SYN2: variants seen among roughly 807,000 people sequenced by gnomAD.
The protein encoded by SYN2 is synapsin II.
In SYN2, 19 loss-of-function variants were observed where a neutral mutation model predicts 50.9. The ratio of observed to expected loss-of-function variants is 0.37; its 90% CI spans 0.26 to 0.55. The LOEUF (loss-of-function observed/expected upper bound fraction) is 0.55, where lower values mean the gene tolerates loss of function less well. Among genes scored for constraint, SYN2 ranks in the 20% least tolerant of loss-of-function variants. The pLI, the probability that SYN2 is intolerant of heterozygous loss-of-function variation, is 0.81. For missense variants in SYN2, 587 were observed against 576.4 expected (o/e 1.02, Z -0.19); for synonymous variants, 255 against 224.9 (o/e 1.13, Z -1.20).
In SYN2 at chr3:12,029,276, G is replaced by A. The variant is rs1186562156; in HGVS notation, c.377+24348G>A. Reference sequence around the variant, plus strand: ...CCAGTACCATGCTGTTTTGGTTACTGTAGCCTTGTAGTATAGTTTGAAGTC... The same window carrying A: ...CCAGTACCATGCTGTTTTGGTTACTATAGCCTTGTAGTATAGTTTGAAGTC... On this transcript the variant is annotated intron_variant, in intron 1 of 12. Coordinates refer to ENST00000621198, the MANE Select transcript of SYN2 (RefSeq NM_133625.6). Among the ~76,000 whole-genome samples the A allele has an allele frequency of 3.8e-5, 5 of 130,958 alleles. 1 individual carries two copies. The highest frequency in any genetic ancestry group is 1.1e-4 in the African/African-American group (3 of 26,896). The allele number at this position is 130,958 out of a possible 152,430, so 85.9% of individuals were successfully genotyped here.
At chr3:12,010,075 A>C (rs1258800363) in intron 1 of SYN2, among the ~76,000 whole-genome samples, 1 of 152,196 alleles carries the variant, frequency 6.6e-6, no homozygotes, top group African/African-American at 2.4e-5. Flanking sequence ...AGCCTGGGCG[A>C]CAGAGCAAGA....
intron 1 of SYN2, chr3:12,070,382 A>G (rs559554756): frequency 2.5e-5 from 13 of 526,112 alleles, no homozygotes; most frequent in Middle Eastern, 3.3e-4. Context: ...AAGGACTCCT[A>G]CGTGGGTGAT....
At chr3:12,156,700 G>T in intron 5 of SYN2, 1 of 704,746 alleles carries the variant, frequency 1.4e-6, no homozygotes. Context: ...TCTGTTTTAT[G>T]CCCAAGAAAA....
At chr3:12,095,618 A>G (rs1331891698) in intron 1 of SYN2, among the ~76,000 whole-genome samples, 3 of 135,776 alleles carry the variant, frequency 2.2e-5, no homozygotes, top group Non-Finnish European at 4.6e-5. Flanking sequence ...GTATTTCTCT[A>G]TCTTCATTGA....
chr3:12,170,712 T>C (rs1349561314), intron 10 of SYN2, among the ~76,000 whole-genome samples: 1 of 152,282 alleles, frequency 6.6e-6, no homozygotes, highest in Non-Finnish European at 1.5e-5. Context: ...AATAGCTGTG[T>C]AAGTTTGCAG....
At chr3:12,092,032 C>T (rs1414641953) in intron 1 of SYN2, among the ~76,000 whole-genome samples, 1 of 152,106 alleles carries the variant, frequency 6.6e-6, no homozygotes, top group Non-Finnish European at 1.5e-5. Flanking sequence ...TCAGGCAGAT[C>T]ACTACAGATC....
rs563351104 is a variant in SYN2, at chr3:12,134,999, C to T, written c.378-5652C>T. 3.3e-5 allele frequency among the ~76,000 whole-genome samples: 5 copies of T among 152,318 alleles called. No homozygotes were observed. In the South Asian group the frequency reaches 8.3e-4, roughly 25 times the overall value. Reference sequence around the variant, plus strand: ...TGCTGAATTTAGTGACAAACCACGGCGTTTCTTTCTACAAGTTGCAAAAGC... The same window carrying T: ...TGCTGAATTTAGTGACAAACCACGGTGTTTCTTTCTACAAGTTGCAAAAGC... On this transcript the variant is annotated intron_variant, in intron 1 of 12. Coordinates refer to ENST00000621198, the MANE Select transcript of SYN2 (RefSeq NM_133625.6).
At chr3:12,009,874 G>T (rs543262227) in intron 1 of SYN2, among the ~76,000 whole-genome samples, 1 of 152,188 alleles carries the variant, frequency 6.6e-6, no homozygotes, top group East Asian at 1.9e-4. Flanking sequence ...GCCGAGGTAG[G>T]CAGGTTGCCT....
At chr3:12,052,735 C>G (rs1012561612) in intron 1 of SYN2, among the ~76,000 whole-genome samples, 5 of 152,116 alleles carry the variant, frequency 3.3e-5, no homozygotes, top group African/African-American at 1.2e-4. Flanking sequence ...TAGGAGCCAG[C>G]CTTGGTCATG....
chr3:12,150,639 T>C (rs1410187969), intron 4 of SYN2, among the ~76,000 whole-genome samples: 1 of 152,224 alleles, frequency 6.6e-6, no homozygotes, highest in Non-Finnish European at 1.5e-5. Flanking sequence ...AGTCCCTCGT[T>C]AGGTAGTAAG....
intron 1 of SYN2, among the ~76,000 whole-genome samples, chr3:12,035,361 G>A (rs986929127): frequency 9.9e-5 from 15 of 152,214 alleles, no homozygotes; most frequent in African/African-American, 3.6e-4. Context: ...TAGTTCTGCA[G>A]TTCTGTGGTG....
chr3:12,097,479 G>A (rs777640468), intron 1 of SYN2, among the ~76,000 whole-genome samples: 104 of 152,114 alleles, frequency 6.8e-4, no homozygotes, highest in Non-Finnish European at 1.1e-3. Context: ...GGTGGCGCAC[G>A]CCTGTAGTCC....
At chr3:12,105,926 T>C (rs1018789555) in intron 1 of SYN2, among the ~76,000 whole-genome samples, 6 of 152,170 alleles carry the variant, frequency 3.9e-5, no homozygotes, top group African/African-American at 1.4e-4. Context: ...TAGTTTTCTA[T>C]TGCTACATAA....
intron 1 of SYN2, among the ~76,000 whole-genome samples, chr3:12,104,038 G>A (rs1438971989): frequency 6.6e-6 from 1 of 152,138 alleles, no homozygotes; most frequent in Non-Finnish European, 1.5e-5. Flanking sequence ...CTAAACATAA[G>A]GATGTTGGGG....
At chr3:12,048,106 T>C (rs1311344713) in intron 1 of SYN2, among the ~76,000 whole-genome samples, 1 of 152,218 alleles carries the variant, frequency 6.6e-6, no homozygotes, top group Non-Finnish European at 1.5e-5. Context: ...TTTAGCCTTT[T>C]TATGCCTTTT....
At chr3:12,127,079 A>C (rs1396333763) in intron 1 of SYN2, among the ~76,000 whole-genome samples, 5 of 152,246 alleles carry the variant, frequency 3.3e-5, no homozygotes, top group Non-Finnish European at 5.9e-5. Context: ...ATATTTCATT[A>C]CAACAGCACT....
At chr3:12,050,797 G>A (rs550852712) in intron 1 of SYN2, among the ~76,000 whole-genome samples, 23 of 131,312 alleles carry the variant, frequency 1.8e-4, no homozygotes, top group African/African-American at 2.5e-4. Flanking sequence ...CTGCAGTGGC[G>A]CGATCTCGGC....
intron 1 of SYN2, among the ~76,000 whole-genome samples, chr3:12,086,751 C>G (rs151156302): frequency 0.011 from 1,707 of 152,162 alleles, 18 homozygotes; most frequent in South Asian, 0.034. Flanking sequence ...AAGCCCACAG[C>G]TGACATACTA....
At chr3:12,010,056 C>A (rs1349652056) in intron 1 of SYN2, among the ~76,000 whole-genome samples, 1 of 152,160 alleles carries the variant, frequency 6.6e-6, no homozygotes, top group African/African-American at 2.4e-5. Context: ...GATCGCACCA[C>A]TGCACTGTAG....
Sources: gnomAD v4.1 joint callset for allele counts (sites outside exome capture counted in the v4.1 genomes callset) on GRCh38, gnomAD v4.1.1 for gene constraint, MANE v1.5 for transcripts, NCBI Gene and HGNC (gene_info 2026-07-23, HGNC 2026-07-21) for gene names.